KLHL32: variants seen among roughly 807,000 people sequenced by gnomAD.
KLHL32 encodes the protein kelch like family member 32, also known as kelch-like protein 32.
Under a neutral mutation model 64.8 loss-of-function variants are expected in KLHL32, and 35 were observed. The ratio of observed to expected loss-of-function variants is 0.54; its 90% CI spans 0.41 to 0.72. The LOEUF is 0.72. KLHL32 is among the 30% of genes least tolerant of loss of function. KLHL32 has a pLI of 0.00. For synonymous variants in KLHL32, 259 were observed against 281.0 expected (o/e 0.92, Z 0.78); for missense variants, 589 against 768.5 (o/e 0.77, Z 2.76).
intron 3 of KLHL32, among the ~76,000 whole-genome samples, chr6:97,003,121 A>G (rs574154971): frequency 3.9e-5 from 6 of 152,340 alleles, no homozygotes; most frequent in East Asian, 1.9e-4. Context: ...CCAGCAGTGT[A>G]TAAGTATTCC....
intron 3 of KLHL32, among the ~76,000 whole-genome samples, chr6:96,988,892 G>T (rs539218102): frequency 2.4e-4 from 36 of 152,132 alleles, no homozygotes; most frequent in Non-Finnish European, 5.0e-4. Context: ...CTCACAGGTG[G>T]GAATTGAACA....
intron 1 of KLHL32, among the ~76,000 whole-genome samples, chr6:96,947,687 C>T (rs574548322): frequency 5.9e-5 from 9 of 152,262 alleles, no homozygotes; most frequent in Non-Finnish European, 1.2e-4. Flanking sequence ...AACACTTTCA[C>T]GGATTTTATG....
At chr6:97,059,711 C>A (rs1374225852) in intron 4 of KLHL32, among the ~76,000 whole-genome samples, 2 of 152,142 alleles carry the variant, frequency 1.3e-5, no homozygotes, top group Non-Finnish European at 2.9e-5. Context: ...GTAGAAATTT[C>A]TCATAGCTAG....
chr6:97,081,158 TAGA>T (rs768528805), intron 5 of KLHL32, among the ~76,000 whole-genome samples: 3 of 151,524 alleles, frequency 2.0e-5, no homozygotes, highest in Admixed American at 6.6e-5. Flanking sequence ...GGTGAGGAGG[TAGA>T]AGGAGTGAGG....
chr6:96,910,050 T>A, the KLHL32 span, among the ~76,000 whole-genome samples: 1 of 152,232 alleles, frequency 6.6e-6, no homozygotes, highest in Non-Finnish European at 1.5e-5. Flanking sequence ...GCCAGATTAC[T>A]GGACTGCAGC....
intron 1 of KLHL32, among the ~76,000 whole-genome samples, chr6:96,953,890 C>G (rs1200852021): frequency 6.9e-6 from 1 of 144,886 alleles, no homozygotes; most frequent in South Asian, 2.2e-4. Context: ...ATATTGTTAT[C>G]AACAATTCAA....
At chr6:97,078,345 A>G (rs1015433775) in intron 5 of KLHL32, among the ~76,000 whole-genome samples, 5 of 152,198 alleles carry the variant, frequency 3.3e-5, no homozygotes, top group African/African-American at 9.6e-5. Context: ...ATCTTTATCT[A>G]TAGTAAAGTA....
chr6:96,941,900 C>G (rs1771336155), intron 1 of KLHL32, among the ~76,000 whole-genome samples: 1 of 152,038 alleles, frequency 6.6e-6, no homozygotes, highest in Admixed American at 6.6e-5. Context: ...AGTGGTTGTC[C>G]CATAACTTTT....
chr6:97,112,571 C>T (rs1191337351), intron 6 of KLHL32, among the ~76,000 whole-genome samples: 3 of 151,758 alleles, frequency 2.0e-5, no homozygotes, highest in East Asian at 1.9e-4. Context: ...CTCAGCCTCC[C>T]GAGTAGCTGG....
upstream of KLHL32, among the ~76,000 whole-genome samples, chr6:96,921,144 T>C (rs1169510360): frequency 6.6e-6 from 1 of 152,226 alleles, no homozygotes; most frequent in Non-Finnish European, 1.5e-5. Context: ...AGAATCCTCT[T>C]TATATTTTGT....
chr6:97,055,802 A>AAAAAAAAAAAAACAAAAAC (rs1562286346), intron 4 of KLHL32, among the ~76,000 whole-genome samples: 4 of 125,544 alleles, frequency 3.2e-5, no homozygotes, highest in African/African-American at 1.4e-4. Context: ...TGTCTAAAAA[A>AAAAAAAAAAAAACAAAAAC]AAAAAAAAAA....
At chr6:96,900,442 TAAA>T in the KLHL32 span, among the ~76,000 whole-genome samples, 4 of 152,210 alleles carry the variant, frequency 2.6e-5, no homozygotes, top group African/African-American at 7.2e-5. Flanking sequence ...TTTTAAAAAA[TAAA>T]AAATGCTAAA....
chr6:96,996,458 TA>T (rs1435940629), intron 3 of KLHL32, among the ~76,000 whole-genome samples: 1 of 152,170 alleles, frequency 6.6e-6, no homozygotes, highest in Non-Finnish European at 1.5e-5. Flanking sequence ...TAAAATTACA[TA>T]AAAGACTATA....
chr6:96,940,622 C>G (rs141709046), intron 1 of KLHL32, among the ~76,000 whole-genome samples: 106 of 152,264 alleles, frequency 7.0e-4, no homozygotes, highest in African/African-American at 2.4e-3. Flanking sequence ...ATACTATAGC[C>G]CTGCTTAAGC....
upstream of KLHL32, among the ~76,000 whole-genome samples, chr6:96,921,705 T>C (rs921661755): frequency 1.3e-5 from 2 of 152,312 alleles, no homozygotes; most frequent in African/African-American, 4.8e-5. Flanking sequence ...CAAAGAACTA[T>C]GACATAGCTC....
chr6:96,987,513 A>C (rs1777260272), intron 3 of KLHL32, among the ~76,000 whole-genome samples: 1 of 152,226 alleles, frequency 6.6e-6, no homozygotes, highest in Non-Finnish European at 1.5e-5. Context: ...ATATCATGAA[A>C]ATGGCCATAC....
chr6:96,918,223 T>G, the KLHL32 span, among the ~76,000 whole-genome samples: 1 of 152,122 alleles, frequency 6.6e-6, no homozygotes, highest in African/African-American at 2.4e-5. Context: ...CAAGGATGCG[T>G]AGGGTGAGTT....
At position 97,077,819 on chromosome 6, in the gene KLHL32, C is replaced by T. The variant is rs1226545168; in HGVS notation, c.412-7307C>T. Reference sequence around the variant, plus strand: ...TTCATTCTTGATCCAACAAATACTTCTCTGTTGCAATCTATGAGAAAGACA... The same window carrying T: ...TTCATTCTTGATCCAACAAATACTTTTCTGTTGCAATCTATGAGAAAGACA... On this transcript the variant is annotated intron_variant, in intron 5 of 10. Transcript: ENST00000369261. Among the ~76,000 whole-genome samples the T allele has an allele frequency of 4.6e-5, 7 of 152,264 alleles. No homozygotes were observed. In the East Asian group the frequency reaches 1.2e-3, roughly 25 times the overall value.
intron 3 of KLHL32, among the ~76,000 whole-genome samples, chr6:97,020,969 G>A (rs1781906060): frequency 6.6e-6 from 1 of 150,744 alleles, no homozygotes; most frequent in African/African-American, 2.5e-5. Context: ...CCTATATGAT[G>A]ATGTATTATA....
Sources: gnomAD v4.1 joint callset for allele counts (sites outside exome capture counted in the v4.1 genomes callset) on GRCh38, gnomAD v4.1.1 for gene constraint, MANE v1.5 for transcripts, NCBI Gene and HGNC (gene_info 2026-07-23, HGNC 2026-07-21) for gene names.